The following TTC7A variants were observed in gnomAD, a reference collection of about 807,000 sequenced individuals.
TTC7A encodes the protein tetratricopeptide repeat domain 7A.
A neutral mutation model predicts 103.7 loss-of-function variants in TTC7A; 110 were observed. The ratio of observed to expected loss-of-function variants is 1.06; its 90% CI spans 0.91 to 1.24. The LOEUF (loss-of-function observed/expected upper bound fraction) is 1.24, where lower values mean the gene tolerates loss of function less well. Among genes scored for constraint, TTC7A ranks in the 50% most tolerant of loss-of-function variants. The pLI, the probability that TTC7A is intolerant of heterozygous loss-of-function variation, is 0.00. For synonymous variants in TTC7A, 521 were observed against 467.9 expected (o/e 1.11, Z -1.47); for missense variants, 1,340 against 1,116.3 (o/e 1.20, Z -2.86).
intron 19 of TTC7A, among the ~76,000 whole-genome samples, chr2:47,069,416 C>G (rs918782751): frequency 1.3e-5 from 2 of 152,158 alleles, no homozygotes; most frequent in African/African-American, 4.8e-5. Context: ...ACTCACTACC[C>G]CAGGAGACCC....
intron 15 of TTC7A, 40 bp downstream of exon 15, chr2:47,029,424 C>T: frequency 6.2e-7 from 1 of 1,609,068 alleles, no homozygotes; most frequent in Non-Finnish European, 8.5e-7. Flanking sequence ...GGGGAGCTGG[C>T]TGGCCTCTGC....
chr2:46,972,226 C>T (rs1056080699), intron 3 of TTC7A, among the ~76,000 whole-genome samples: 1 of 151,348 alleles, frequency 6.6e-6, no homozygotes, highest in Non-Finnish European at 1.5e-5. Flanking sequence ...GACGCAAATA[C>T]AGTTGTTTTT....
chr2:46,970,660 G>A (rs981169429), intron 3 of TTC7A, among the ~76,000 whole-genome samples: 20 of 152,244 alleles, frequency 1.3e-4, no homozygotes, highest in Admixed American at 6.5e-5. Context: ...TGAACAGTTC[G>A]TAGGTTCGCC....
At chr2:46,947,967 C>G (rs1201113842) in intron 1 of TTC7A, among the ~76,000 whole-genome samples, 2 of 152,168 alleles carry the variant, frequency 1.3e-5, no homozygotes, top group African/African-American at 4.8e-5. Context: ...CAGCCTGGGT[C>G]CAAAGGGGCG....
chr2:46,995,144 G>C lies in TTC7A; in HGVS notation c.1010G>C (p.Cys337Ser), dbSNP rs1676047778. 1 of 1,614,160 alleles carries C rather than the reference G, an allele frequency of 6.2e-7. No homozygotes were observed. The highest frequency in any genetic ancestry group is 8.5e-7 in the Non-Finnish European group (1 of 1,180,012). The change falls in exon 8 of 20, where the codon TGC (cysteine) becomes TCC (serine). Residue 337 changes from cysteine (C) to serine (S), a missense_variant. Coordinates refer to ENST00000319190, the MANE Select transcript of TTC7A (RefSeq NM_020458.4). ...PHLYEGDNLY[C>S]PKDNIEEALL... is the part of the protein sequence containing the mutation. Reference sequence around the variant, plus strand: ...TCATTGGTGTCTTTCAGCCTCTACTGCCCCAAGGACAACATCGAGGAAGCC... The same window carrying C: ...TCATTGGTGTCTTTCAGCCTCTACTCCCCCAAGGACAACATCGAGGAAGCC...
intron 3 of TTC7A, among the ~76,000 whole-genome samples, chr2:46,961,420 A>G (rs1223264437): frequency 6.6e-6 from 1 of 152,050 alleles, no homozygotes; most frequent in Non-Finnish European, 1.5e-5. Flanking sequence ...TACTAAAAAT[A>G]CAAAAAATTA....
At chr2:46,993,238 G>T (rs1038501081) in intron 5 of TTC7A, among the ~76,000 whole-genome samples, 1 of 152,198 alleles carries the variant, frequency 6.6e-6, no homozygotes, top group African/African-American at 2.4e-5. Flanking sequence ...GAGGGAAAGG[G>T]ACTAGGGGAA....
intron 19 of TTC7A, among the ~76,000 whole-genome samples, chr2:47,066,486 AG>A (rs1030282677): frequency 2.1e-4 from 31 of 144,844 alleles, no homozygotes; most frequent in African/African-American, 8.6e-4. Flanking sequence ...CTGGTCTCTA[AG>A]GCCAAAAGGA....
chr2:47,023,261 G>A (rs1212542299), intron 12 of TTC7A, 147 bp from the exon 13 acceptor site: 2 of 759,340 alleles, frequency 2.6e-6, no homozygotes, highest in Non-Finnish European at 4.3e-6. Flanking sequence ...CAGGGCATTG[G>A]CCCAGGCTGC....
intron 15 of TTC7A, among the ~76,000 whole-genome samples, chr2:47,042,700 G>GTA (rs1229620236): frequency 1.1e-4 from 15 of 137,120 alleles, no homozygotes; most frequent in African/African-American, 2.9e-4. Context: ...GTGTGTGTGT[G>GTA]TGTATATATA....
upstream of TTC7A, among the ~76,000 whole-genome samples, chr2:46,938,412 G>C (rs1179280403): frequency 6.6e-6 from 1 of 151,294 alleles, no homozygotes; most frequent in African/African-American, 2.4e-5. Flanking sequence ...ACTTCCCTTT[G>C]CCACAGCCTA....
intron 15 of TTC7A, 131 bp downstream of exon 15, chr2:47,029,515 T>A: frequency 9.6e-7 from 1 of 1,037,208 alleles, no homozygotes; most frequent in South Asian, 1.5e-5. Context: ...GCACAATCCC[T>A]GGTGGAGAGA....
intron 1 of TTC7A, among the ~76,000 whole-genome samples, chr2:46,949,225 G>A (rs1033927726): frequency 2.0e-5 from 3 of 152,090 alleles, no homozygotes; most frequent in African/African-American, 7.2e-5. Context: ...AATAAACCAA[G>A]CAGTATATTA....
intron 6 of TTC7A, 151 bp downstream of exon 6, chr2:46,993,679 TC>T: frequency 1.4e-6 from 1 of 708,312 alleles, no homozygotes; most frequent in Non-Finnish European, 2.5e-6. Context: ...CAGCATCCTT[TC>T]CCACGCAGCC....
chr2:46,931,000 G>GT (rs1669672498), intron 2 of TTC7A, among the ~76,000 whole-genome samples: 1 of 149,580 alleles, frequency 6.7e-6, no homozygotes, highest in Non-Finnish European at 1.5e-5. Context: ...AAATTTAGCC[G>GT]TATCTCATGG....
At chr2:47,019,390 C>A in intron 11 of TTC7A, among the ~76,000 whole-genome samples, 1 of 152,010 alleles carries the variant, frequency 6.6e-6, no homozygotes, top group South Asian at 2.1e-4. Context: ...AAAAAACACA[C>A]ACAAAAAGAA....
At chr2:46,932,857 C>T (rs1015763933) in intron 2 of TTC7A, among the ~76,000 whole-genome samples, 8 of 147,450 alleles carry the variant, frequency 5.4e-5, no homozygotes, top group African/African-American at 2.0e-4. Flanking sequence ...GCGCAGATCG[C>T]ACCACTGCAC....
Position 47,050,010 on chromosome 2 carries a change from C to T in TTC7A, c.1981C>T (p.His661Tyr). 4 of 1,614,182 alleles carry T rather than the reference C, an allele frequency of 2.5e-6. No individual in the cohort carries two copies. The highest frequency in any genetic ancestry group is 2.5e-6 in the Non-Finnish European group (3 of 1,180,024). The change falls in exon 17 of 20, where the codon CAC (histidine) becomes TAC (tyrosine). Residue 661 changes from histidine (H) to tyrosine (Y), a missense_variant. Coordinates refer to ENST00000319190, the MANE Select transcript of TTC7A (RefSeq NM_020458.4). ...CACCATGAAGAAGCAGAGTGGCATG[C>T]ACCTGACTTTGCCTGATGCCCATGA... ...GLTMKKQSGM[H>Y]LTLPDAHDAD... is the part of the protein sequence containing the mutation.
At chr2:46,940,929 G>T (rs1472073578), upstream of TTC7A, among the ~76,000 whole-genome samples, 1 of 152,130 alleles carries the variant, frequency 6.6e-6, no homozygotes, top group Non-Finnish European at 1.5e-5. The surrounding 1 kb of genome is among the most constrained non-coding windows in gnomAD (Gnocchi z 4.7). Flanking sequence ...AGGTCGTCGG[G>T]CAGTGGTCTC....
Sources: gnomAD v4.1 joint callset for allele counts (sites outside exome capture counted in the v4.1 genomes callset) on GRCh38, gnomAD v4.1.1 for gene constraint, Gnocchi (gnomAD v3.1) non-coding constraint, MANE v1.5 for transcripts, NCBI Gene and HGNC (gene_info 2026-07-23, HGNC 2026-07-21) for gene names.